The following ST18 variants were observed in gnomAD, a reference collection of about 807,000 sequenced individuals.
ST18 encodes the protein suppression of tumorigenicity 18 protein.
Under a neutral mutation model 110.0 loss-of-function variants are expected in ST18, and 50 were observed. The ratio of observed to expected loss-of-function variants is 0.45; its 90% CI spans 0.36 to 0.58. ST18 has a LOEUF of 0.58. Ranked by LOEUF, ST18 falls within the 20% of genes least tolerant of loss-of-function variation. The probability of loss-of-function intolerance (pLI) is 0.00; values close to 1 mark genes in which losing one functional copy is unlikely to be tolerated. For missense variants in ST18, 1,306 were observed against 1,280.1 expected, an observed-to-expected ratio of 1.02 and a Z score of -0.31; for synonymous variants, 461 against 452.4, an observed-to-expected ratio of 1.02 and a Z score of -0.24.
At chr8:52,130,138 A>C (rs989663481) in intron 22 of ST18, among the ~76,000 whole-genome samples, 2 of 151,038 alleles carry the variant, frequency 1.3e-5, no homozygotes, top group African/African-American at 4.9e-5. Flanking sequence ...AAAGAAAGAA[A>C]GAAAGAAAGA....
At chr8:52,151,840 C>A (rs964634497) in intron 15 of ST18, among the ~76,000 whole-genome samples, 4 of 152,144 alleles carry the variant, frequency 2.6e-5, no homozygotes, top group African/African-American at 4.8e-5. Flanking sequence ...AATTCCAGAC[C>A]TCTGTGACAG....
At position 52,239,748 on chromosome 8, in the gene ST18, A is replaced by C. The variant is rs547644469; in HGVS notation, c.-464-9671T>G. On this transcript the variant is annotated intron_variant, in intron 2 of 25. Coordinates refer to ENST00000689386, the MANE Select transcript of ST18 (RefSeq NM_001352837.2). ...AAGTCTTCCCTCTCTCACGCCTCCTATTCTTTCTTATAGGACCCCAGATGG... is the reference window on the plus strand; with the variant it reads ...AAGTCTTCCCTCTCTCACGCCTCCTCTTCTTTCTTATAGGACCCCAGATGG... Among the ~76,000 whole-genome samples the C allele has an allele frequency of 3.9e-5, 6 of 152,032 alleles. No individual in the cohort carries two copies. In the South Asian group the frequency reaches 1.2e-3, roughly 32 times the overall value.
intron 2 of ST18, among the ~76,000 whole-genome samples, chr8:52,314,242 TGGTC>T: frequency 2.0e-5 from 3 of 152,164 alleles, no homozygotes; most frequent in African/African-American, 7.2e-5. Flanking sequence ...CTCCAGAAAG[TGGTC>T]ATGGAGTGGC....
intron 2 of ST18, among the ~76,000 whole-genome samples, chr8:52,276,705 TCTGA>T (rs2095272578): frequency 6.6e-6 from 1 of 151,988 alleles, no homozygotes; most frequent in South Asian, 2.1e-4. Flanking sequence ...AGTTAAATAC[TCTGA>T]CTATTTTGAA....
chr8:52,250,578 A>G (rs2094227674), intron 2 of ST18, among the ~76,000 whole-genome samples: 1 of 151,234 alleles, frequency 6.6e-6, no homozygotes, highest in Non-Finnish European at 1.5e-5. Context: ...CAGAACCTTT[A>G]TAGTAAATCC....
intron 8 of ST18, among the ~76,000 whole-genome samples, 200 bp from the exon 9 acceptor site, chr8:52,180,512 A>ATT (rs938231964): frequency 6.7e-6 from 1 of 149,524 alleles, no homozygotes; most frequent in Non-Finnish European, 1.5e-5. Context: ...TATCAGAAGA[A>ATT]TTTTTTTTTT....
chr8:52,121,597 C>A (rs1319869217), intron 23 of ST18, among the ~76,000 whole-genome samples: 1 of 152,112 alleles, frequency 6.6e-6, no homozygotes, highest in African/African-American at 2.4e-5. Flanking sequence ...CATTTATTAC[C>A]TCAAAGTATG....
chr8:52,254,704 A>G lies in ST18; in HGVS notation c.-464-24627T>C, dbSNP rs189659310. On this transcript the variant is annotated intron_variant, in intron 2 of 25. Coordinates refer to ENST00000689386, the MANE Select transcript of ST18 (RefSeq NM_001352837.2). The stretch of plus-strand genomic sequence containing the variant: ...AACAACCTAAAATATATGTAATGGA[A>G]GTGGTGCTTATTAATTTTGCAGGCT... Among the ~76,000 whole-genome samples the G allele has an allele frequency of 7.2e-5, 11 of 152,278 alleles. No individual in the cohort carries two copies. In the East Asian group the frequency reaches 1.9e-3, roughly 27 times the overall value.
chr8:52,311,878 G>A (rs1313987171), intron 2 of ST18, among the ~76,000 whole-genome samples: 3 of 152,140 alleles, frequency 2.0e-5, no homozygotes, highest in East Asian at 3.8e-4. Flanking sequence ...TGGAGACACA[G>A]CCAAACCATA....
chr8:52,144,611 C>T (rs1157215407), intron 16 of ST18, among the ~76,000 whole-genome samples: 2 of 152,000 alleles, frequency 1.3e-5, no homozygotes, highest in African/African-American at 4.8e-5. Context: ...ATTAATGAAA[C>T]CTGATTTAGT....
Position 52,367,234 on chromosome 8 carries a change from T to TCACACA in ST18, c.-465+42093_-465+42094insTGTGTG, listed in dbSNP as rs1491543543. 1.5e-3 allele frequency among the ~76,000 whole-genome samples: 156 copies of TCACACA among 104,514 alleles called. 1 individual carries two copies. The highest frequency in any genetic ancestry group is 6.2e-3 in the South Asian group (16 of 2,582). The allele number at this position is 104,514 out of a possible 152,430, so 68.6% of individuals were successfully genotyped here. A position where few individuals can be genotyped will look rare whatever the true frequency, so the allele number is the denominator to read the frequency against. On this transcript the variant is annotated intron_variant, in intron 2 of 25. Transcript: ENST00000689386. ...GCCTGGGTGACAGAGCGGGACCCTG[T>TCACACA]CTCACACACACACACACACACACAC...
chr8:52,139,014 A>G (rs2053685542), intron 17 of ST18, among the ~76,000 whole-genome samples: 1 of 152,190 alleles, frequency 6.6e-6, no homozygotes, highest in Non-Finnish European at 1.5e-5. Flanking sequence ...CCATCTTTCA[A>G]AGGAATGTTT....
intron 10 of ST18, among the ~76,000 whole-genome samples, chr8:52,170,447 AAAATCAATAAATAAATAAAT>A (rs1302262759): frequency 4.3e-5 from 6 of 139,970 alleles, no homozygotes; most frequent in South Asian, 2.4e-4. Flanking sequence ...GCAAAACTCA[AAAATCAATAAATAAATAAAT>A]AAATAAATAA....
At chr8:52,225,455 T>A (rs1332539210) in intron 3 of ST18, among the ~76,000 whole-genome samples, 1 of 152,216 alleles carries the variant, frequency 6.6e-6, no homozygotes, top group East Asian at 1.9e-4. Context: ...CAAATGGATT[T>A]ATAATTTGCT....
At chr8:52,168,329 C>A (rs764689677) in intron 10 of ST18, among the ~76,000 whole-genome samples, 13 of 150,878 alleles carry the variant, frequency 8.6e-5, no homozygotes, top group Non-Finnish European at 1.8e-4. Context: ...GGCCTGCGTG[C>A]GAGGGTGCGG....
At chr8:52,362,390 T>C (rs1197475076) in intron 2 of ST18, among the ~76,000 whole-genome samples, 1 of 152,194 alleles carries the variant, frequency 6.6e-6, no homozygotes, top group Non-Finnish European at 1.5e-5. Context: ...GTTAGGTGAG[T>C]AGCCGTGGCT....
At chr8:52,253,612 A>C (rs943817903) in intron 2 of ST18, among the ~76,000 whole-genome samples, 1 of 152,170 alleles carries the variant, frequency 6.6e-6, no homozygotes, top group African/African-American at 2.4e-5. Context: ...TTGACTTTTC[A>C]AAAAGCATAC....
In ST18 at chr8:52,175,334, A is replaced by G. The variant is rs115495048; in HGVS notation, c.278-2751T>C. On this transcript the variant is annotated intron_variant, in intron 9 of 25. Coordinates refer to ENST00000689386, the MANE Select transcript of ST18 (RefSeq NM_001352837.2). Reference sequence around the variant, plus strand: ...AGTTTTTTACCTAGGATAATTACTAACATTGACCCCCAAGGACGGGCAGGG... The same window carrying G: ...AGTTTTTTACCTAGGATAATTACTAGCATTGACCCCCAAGGACGGGCAGGG... Among the ~76,000 whole-genome samples, 1,448 of 152,298 alleles carry G rather than the reference A, an allele frequency of 9.5e-3. 20 individuals carry two copies. Among genetic ancestry groups the G allele is most frequent in the Middle Eastern group, 0.027 (8 of 294 alleles).
intron 17 of ST18, among the ~76,000 whole-genome samples, chr8:52,138,610 GTAGT>G (rs1215173273): frequency 6.6e-6 from 1 of 152,156 alleles, no homozygotes; most frequent in Non-Finnish European, 1.5e-5. Flanking sequence ...ATGTAAGAAG[GTAGT>G]TAGTTATCCT....
Sources: gnomAD v4.1 joint callset for allele counts (sites outside exome capture counted in the v4.1 genomes callset) on GRCh38, gnomAD v4.1.1 for gene constraint, MANE v1.5 for transcripts, NCBI Gene and HGNC (gene_info 2026-07-23, HGNC 2026-07-21) for gene names.